BCAT1: variants seen among roughly 807,000 people sequenced by gnomAD.
BCAT1 encodes the protein branched chain amino acid transaminase 1, also known as branched-chain-amino-acid aminotransferase, cytosolic.
Under a neutral mutation model 52.4 loss-of-function variants are expected in BCAT1, and 48 were observed. That is an observed-to-expected ratio of 0.92 (90% CI 0.73 to 1.16). The LOEUF (loss-of-function observed/expected upper bound fraction) is 1.16, where lower values mean the gene tolerates loss of function less well. BCAT1 is among the 50% of genes most tolerant of loss of function. BCAT1 has a pLI of 0.00. For missense variants in BCAT1, 451 were observed against 457.1 expected, an observed-to-expected ratio of 0.99 and a Z score of 0.12; for synonymous variants, 167 against 161.3, an observed-to-expected ratio of 1.04 and a Z score of -0.27.
chr12:24,935,384 C>T (rs1400000541), intron 1 of BCAT1, among the ~76,000 whole-genome samples: 1 of 152,158 alleles, frequency 6.6e-6, no homozygotes, highest in African/African-American at 2.4e-5. Flanking sequence ...CTTATGGAAT[C>T]AAGGAACTCA....
chr12:24,929,685 A>G (rs951492081), intron 1 of BCAT1, among the ~76,000 whole-genome samples: 2 of 152,114 alleles, frequency 1.3e-5, no homozygotes, highest in Non-Finnish European at 2.9e-5. Context: ...CTGCATAACA[A>G]GACAACCTAT....
At chr12:24,877,060 T>G (rs1942369329) in intron 5 of BCAT1, among the ~76,000 whole-genome samples, 1 of 152,188 alleles carries the variant, frequency 6.6e-6, no homozygotes, top group Non-Finnish European at 1.5e-5. Flanking sequence ...GAGACTGCAA[T>G]TCACGAAATT....
Position 24,816,344 on chromosome 12 carries a change from A to C in BCAT1, c.*1664T>G, listed in dbSNP as rs1939874884. 1 of 395,162 alleles carries C rather than the reference A, an allele frequency of 2.5e-6. No homozygotes were observed. Among genetic ancestry groups the C allele is most frequent in the Middle Eastern group, 6.4e-4 (1 of 1,566 alleles). 24.5% of individuals were successfully genotyped at this position (395,162 alleles called of 1,614,324 possible). ...AGCAAGAAGGAAGTTATGAGGACTG[A>C]GGGAAACCAAAATACAATGTCTGAG... is the stretch of plus-strand genomic sequence containing the variant. On this transcript the variant is annotated 3_prime_UTR_variant, in exon 11 of 11. Coordinates refer to ENST00000261192, the MANE Select transcript of BCAT1 (RefSeq NM_005504.7).
chr12:24,909,130 C>T (rs1480486976), intron 1 of BCAT1, among the ~76,000 whole-genome samples: 2 of 151,928 alleles, frequency 1.3e-5, no homozygotes, highest in Non-Finnish European at 2.9e-5. Flanking sequence ...TGAGAGAAAC[C>T]TTAAAAATAT....
chr12:24,865,052 C>T lies in BCAT1; in HGVS notation c.510+13478G>A, dbSNP rs142591700. ...TCCCTTTCTTCTAAATGCTGACCTGCCCCAGGGGTTAGTCCTTGCCTTCTT... is the reference window on the plus strand; with the variant it reads ...TCCCTTTCTTCTAAATGCTGACCTGTCCCAGGGGTTAGTCCTTGCCTTCTT... On this transcript the variant is annotated intron_variant, in intron 5 of 10. Transcript: ENST00000261192. Among the ~76,000 whole-genome samples, 19 of 152,304 alleles carry T rather than the reference C, an allele frequency of 1.2e-4. No homozygotes were observed. The East Asian group carries it at 3.3e-3, about 26-fold the overall frequency.
At position 24,840,141 on chromosome 12, in the gene BCAT1, A is replaced by G. The variant is rs867523119; in HGVS notation, c.817+1941T>C. On this transcript the variant is annotated intron_variant, in intron 7 of 10. Transcript: ENST00000261192. ...CTGACCTTTAAAAGCCATGGTGGAA[A>G]TGTTTCATGATTATTGTTTGGATAA... Among the ~76,000 whole-genome samples, 12 of 152,360 alleles carry G rather than the reference A, an allele frequency of 7.9e-5. No individual in the cohort carries two copies. The South Asian group carries it at 2.5e-3, about 32-fold the overall frequency.
chr12:24,932,799 G>A (rs939498718), intron 1 of BCAT1, among the ~76,000 whole-genome samples: 6 of 151,776 alleles, frequency 4.0e-5, no homozygotes, highest in Non-Finnish European at 5.9e-5. Context: ...ACCATGCCTG[G>A]TTAATTTTTT....
At chr12:24,862,040 A>G (rs1363226739) in intron 5 of BCAT1, among the ~76,000 whole-genome samples, 1 of 152,230 alleles carries the variant, frequency 6.6e-6, no homozygotes, top group Admixed American at 6.5e-5. Context: ...AGAAACCCTC[A>G]GTTCTGGGAA....
At chr12:24,922,871 CAAA>C (rs112388852) in intron 1 of BCAT1, among the ~76,000 whole-genome samples, 1 of 107,204 alleles carries the variant, frequency 9.3e-6, no homozygotes, top group African/African-American at 3.5e-5. Context: ...CTCTGTCTCT[CAAA>C]AAAAAAAAAA....
intron 5 of BCAT1, among the ~76,000 whole-genome samples, chr12:24,863,386 A>G (rs1005838872): frequency 4.6e-5 from 7 of 152,252 alleles, no homozygotes; most frequent in Admixed American, 2.6e-4. Flanking sequence ...TTCCATATGT[A>G]CAATACAAAG....
intron 1 of BCAT1, among the ~76,000 whole-genome samples, chr12:24,925,956 G>A (rs1481564942): frequency 6.6e-6 from 1 of 152,218 alleles, no homozygotes; most frequent in African/African-American, 2.4e-5. Flanking sequence ...CCACCTCCCA[G>A]CCGCCTGCCT....
At chr12:24,898,840 G>A (rs189278237) in intron 2 of BCAT1, among the ~76,000 whole-genome samples, 82 of 152,120 alleles carry the variant, frequency 5.4e-4, no homozygotes, top group East Asian at 4.6e-3. Context: ...GCTCACCATC[G>A]TATAGCACAT....
chr12:24,906,838 T>C (rs900129138), intron 1 of BCAT1, among the ~76,000 whole-genome samples: 15 of 152,202 alleles, frequency 9.9e-5, no homozygotes, highest in African/African-American at 3.4e-4. Context: ...ACAGTTGCCA[T>C]TTCTCCAACC....
chr12:24,902,330 G>C (rs921666820), intron 1 of BCAT1: 5 of 1,237,440 alleles, frequency 4.0e-6, no homozygotes, highest in Admixed American at 4.0e-5. Flanking sequence ...AAAGGGAACG[G>C]GGACGGGCGT....
intron 2 of BCAT1, among the ~76,000 whole-genome samples, chr12:24,899,657 A>G (rs1943041839): frequency 6.6e-6 from 1 of 152,204 alleles, no homozygotes. Flanking sequence ...AACAAATAAA[A>G]TGTGGTGCAT....
In BCAT1 at chr12:24,842,342, T is replaced by C. The variant is rs371574165; in HGVS notation, c.675-118A>G. 2.8e-5 allele frequency: 31 copies of C among 1,117,222 alleles called. No individual in the cohort carries two copies. In the African/African-American group the frequency reaches 2.8e-4, roughly 10 times the overall value. The allele number at this position is 1,117,222 out of a possible 1,614,324, so 69.2% of individuals were successfully genotyped here. Reference sequence around the variant, plus strand: ...ATGTGGACATAGTGAAGGTATTATGTTCTTAATATATATACACTCTCTAGT... The same window carrying C: ...ATGTGGACATAGTGAAGGTATTATGCTCTTAATATATATACACTCTCTAGT... On this transcript the variant is annotated intron_variant, in intron 6 of 10. Transcript: ENST00000261192.
At chr12:24,918,787 C>T (rs1441407030) in intron 1 of BCAT1, among the ~76,000 whole-genome samples, 3 of 152,208 alleles carry the variant, frequency 2.0e-5, no homozygotes, top group East Asian at 3.8e-4. Context: ...CTAACACATT[C>T]CTGTCCTGTG....
At chr12:24,892,125 C>T (rs529556583) in intron 3 of BCAT1, among the ~76,000 whole-genome samples, 3 of 151,290 alleles carry the variant, frequency 2.0e-5, no homozygotes, top group African/African-American at 7.3e-5. Flanking sequence ...CATCATGTTG[C>T]AGCCCAGTAG....
chr12:24,838,970 A>G (rs374582356), intron 7 of BCAT1, among the ~76,000 whole-genome samples: 20 of 152,352 alleles, frequency 1.3e-4, no homozygotes, highest in African/African-American at 4.6e-4. Flanking sequence ...TAAGTGCCCT[A>G]AACACCATCA....
Sources: gnomAD v4.1 joint callset for allele counts (sites outside exome capture counted in the v4.1 genomes callset) on GRCh38, gnomAD v4.1.1 for gene constraint, MANE v1.5 for transcripts, NCBI Gene and HGNC (gene_info 2026-07-23, HGNC 2026-07-21) for gene names.